Variants in RPS6KC1 observed in about 807,000 individuals in gnomAD.
RPS6KC1 encodes the protein inactive ribosomal protein S6 kinase delta-1.
A neutral mutation model predicts 103.8 loss-of-function variants in RPS6KC1; 54 were observed. That is an observed-to-expected ratio of 0.52 (90% CI 0.42 to 0.65). RPS6KC1 has a LOEUF of 0.65. RPS6KC1 is among the 30% of genes least tolerant of loss of function. The pLI is 0.00. For missense variants in RPS6KC1, 1,151 were observed against 1,253.8 expected (o/e 0.92, Z 1.24); for synonymous variants, 439 against 438.7 (o/e 1.00, Z -0.01).
At chr1:213,427,837 G>A in the RPS6KC1 span, among the ~76,000 whole-genome samples, 2 of 152,180 alleles carry the variant, frequency 1.3e-5, no homozygotes, top group East Asian at 3.9e-4. Flanking sequence ...TCTTTGGCAA[G>A]GTTCACATAA....
chr1:213,467,322 A>G, the RPS6KC1 span, among the ~76,000 whole-genome samples: 1 of 152,246 alleles, frequency 6.6e-6, no homozygotes, highest in Admixed American at 6.5e-5. Context: ...TACTGGGAAT[A>G]ACGCCACAAG....
At chr1:213,251,298 G>A (rs1033653454) in intron 12 of RPS6KC1, among the ~76,000 whole-genome samples, 5 of 151,990 alleles carry the variant, frequency 3.3e-5, no homozygotes, top group Non-Finnish European at 7.4e-5. Context: ...TAGTAGAGAC[G>A]GAGTTTTGCC....
At chr1:213,512,107 T>C in the RPS6KC1 span, among the ~76,000 whole-genome samples, 1 of 152,228 alleles carries the variant, frequency 6.6e-6, no homozygotes, top group Admixed American at 6.5e-5. Context: ...TTTTAGATGG[T>C]TATGCTTGGG....
intron 8 of RPS6KC1, among the ~76,000 whole-genome samples, chr1:213,204,161 T>A (rs2148605771): frequency 6.6e-6 from 1 of 152,348 alleles, no homozygotes; most frequent in East Asian, 1.9e-4. Flanking sequence ...AGACCCTATC[T>A]GCTGTGTTCA....
the RPS6KC1 span, among the ~76,000 whole-genome samples, chr1:213,310,121 G>A: frequency 6.6e-6 from 1 of 152,170 alleles, no homozygotes; most frequent in African/African-American, 2.4e-5. Flanking sequence ...CCTGCACCTG[G>A]CTTTTGGCAG....
intron 7 of RPS6KC1, among the ~76,000 whole-genome samples, chr1:213,168,849 C>T (rs921789798): frequency 1.3e-5 from 2 of 152,124 alleles, no homozygotes; most frequent in African/African-American, 2.4e-5. Context: ...GTCTCGATCT[C>T]CTGACCTCAT....
chr1:213,548,513 T>G, the RPS6KC1 span, among the ~76,000 whole-genome samples: 1 of 152,042 alleles, frequency 6.6e-6, no homozygotes, highest in Non-Finnish European at 1.5e-5. Context: ...GTACAAAAAT[T>G]AGCTGGGCTT....
chr1:213,779,915 A>G, the RPS6KC1 span, among the ~76,000 whole-genome samples: 1 of 151,746 alleles, frequency 6.6e-6, no homozygotes, highest in African/African-American at 2.4e-5. Flanking sequence ...TGAGGAGAAG[A>G]CTCTCCCTGT....
intron 3 of RPS6KC1, among the ~76,000 whole-genome samples, chr1:213,091,647 A>T (rs1474989733): frequency 6.6e-6 from 1 of 152,238 alleles, no homozygotes; most frequent in Non-Finnish European, 1.5e-5. Context: ...ATACAGTGTT[A>T]AAAATCATTA....
chr1:213,225,864 G>A (rs2093948226), intron 8 of RPS6KC1, among the ~76,000 whole-genome samples: 1 of 152,102 alleles, frequency 6.6e-6, no homozygotes, highest in Non-Finnish European at 1.5e-5. Flanking sequence ...AGTGAGATGT[G>A]TTCTACTTTA....
At chr1:213,111,873 A>G (rs1326646483) in intron 4 of RPS6KC1, among the ~76,000 whole-genome samples, 1 of 152,336 alleles carries the variant, frequency 6.6e-6, no homozygotes, top group East Asian at 1.9e-4. Flanking sequence ...TTAGTCTAGA[A>G]TAGATATTCT....
At chr1:213,739,309 T>A in the RPS6KC1 span, among the ~76,000 whole-genome samples, 1 of 152,234 alleles carries the variant, frequency 6.6e-6, no homozygotes, top group African/African-American at 2.4e-5. Context: ...ATAATACATA[T>A]ACAAAATATG....
intron 8 of RPS6KC1, among the ~76,000 whole-genome samples, chr1:213,180,791 T>G (rs2092221505): frequency 6.6e-6 from 1 of 152,038 alleles, no homozygotes; most frequent in South Asian, 2.1e-4. Context: ...TGCTTATATT[T>G]GTATGTGTAT....
the RPS6KC1 span, among the ~76,000 whole-genome samples, chr1:213,415,645 G>A: frequency 6.6e-6 from 1 of 152,222 alleles, no homozygotes; most frequent in African/African-American, 2.4e-5. Flanking sequence ...CTTGAGAGGG[G>A]CAGCACTGTC....
the RPS6KC1 span, among the ~76,000 whole-genome samples, chr1:213,498,871 CT>C: frequency 1.3e-5 from 2 of 151,298 alleles, no homozygotes; most frequent in South Asian, 4.2e-4. Flanking sequence ...CTTCTGCCTC[CT>C]GGGTTCAAGT....
chr1:213,757,468 T>A, the RPS6KC1 span, among the ~76,000 whole-genome samples: 5 of 152,146 alleles, frequency 3.3e-5, no homozygotes, highest in African/African-American at 4.8e-5. Flanking sequence ...AGAGCAAAGC[T>A]CTAATGCTCT....
At chr1:213,387,524 GA>G in the RPS6KC1 span, among the ~76,000 whole-genome samples, 4 of 152,180 alleles carry the variant, frequency 2.6e-5, no homozygotes, top group South Asian at 4.1e-4. Context: ...CCTGGAAATT[GA>G]AAGCCTCAGT....
At chr1:213,843,614 T>A in the RPS6KC1 span, 1 of 152,098 alleles carries the variant, frequency 6.6e-6, no homozygotes, top group Non-Finnish European at 1.5e-5. Flanking sequence ...TAGAAAAGCA[T>A]GGGCCAACAC....
At chr1:213,661,586 C>G in the RPS6KC1 span, among the ~76,000 whole-genome samples, 1 of 152,058 alleles carries the variant, frequency 6.6e-6, no homozygotes, top group Non-Finnish European at 1.5e-5. Flanking sequence ...TTAAGAAATG[C>G]GATTGTATGA....
Sources: allele counts gnomAD v4.1 joint callset (sites outside exome capture counted in the v4.1 genomes callset), GRCh38; gene constraint gnomAD v4.1.1; transcripts MANE v1.5; gene names NCBI Gene and HGNC (gene_info 2026-07-23, HGNC 2026-07-21).